The following MYT1L variants were observed in gnomAD, a reference collection of about 807,000 sequenced individuals.
The protein encoded by MYT1L is myelin transcription factor 1-like protein.
MYT1L carries 12 observed loss-of-function variants against 126.7 expected under a neutral mutation model. That is an observed-to-expected ratio of 0.09 (90% CI 0.06 to 0.15). The LOEUF is 0.15. Ranked by LOEUF, MYT1L falls within the 10% of genes least tolerant of loss-of-function variation. The pLI is 1.00. For missense variants in MYT1L, 979 were observed against 1,585.2 expected, an observed-to-expected ratio of 0.62 and a Z score of 6.49; for synonymous variants, 541 against 604.2, an observed-to-expected ratio of 0.90 and a Z score of 1.53.
intron 4 of MYT1L, among the ~76,000 whole-genome samples, chr2:2,022,714 AAAG>A (rs767368002): frequency 2.0e-5 from 3 of 152,236 alleles, no homozygotes. Context: ...AAAAAAAAAA[AAAG>A]AAAAGTACAC....
rs2059007140 is a variant in MYT1L, at chr2:1,962,141, T to C, written c.152+17024A>G. ...ATCATTCCTGTTAATTTTTAAGATA[T>C]AAGGTTATAATGTACTAATACCTTG... On this transcript the variant is annotated intron_variant, in intron 8 of 24. Transcript: ENST00000647738. 2.6e-5 allele frequency among the ~76,000 whole-genome samples: 4 copies of C among 152,366 alleles called. No individual in the cohort carries two copies. The South Asian group carries it at 8.3e-4, about 32-fold the overall frequency.
At chr2:2,018,752 T>A (rs2064707769) in intron 4 of MYT1L, among the ~76,000 whole-genome samples, 1 of 152,106 alleles carries the variant, frequency 6.6e-6, no homozygotes, top group Non-Finnish European at 1.5e-5. Flanking sequence ...CACGCAGAGA[T>A]CAACAACTCC....
At chr2:1,934,629 C>A (rs759596082) in intron 9 of MYT1L, among the ~76,000 whole-genome samples, 26 of 151,972 alleles carry the variant, frequency 1.7e-4, no homozygotes, top group Non-Finnish European at 3.2e-4. Flanking sequence ...TAGAGACAGA[C>A]TGAAACATTC....
At chr2:2,177,810 A>G (rs2090987304) in intron 2 of MYT1L, among the ~76,000 whole-genome samples, 1 of 152,138 alleles carries the variant, frequency 6.6e-6, no homozygotes, top group Non-Finnish European at 1.5e-5. Context: ...GTTCCTCCCC[A>G]ACCCCTGGGG....
intron 2 of MYT1L, among the ~76,000 whole-genome samples, chr2:2,279,380 G>A (rs2095413720): frequency 6.6e-6 from 1 of 151,600 alleles, no homozygotes; most frequent in African/African-American, 2.4e-5. Flanking sequence ...CATTCAACAT[G>A]GAAGAGGAAG....
At chr2:1,796,684 GCCTC>G (rs2147844880) in intron 23 of MYT1L, among the ~76,000 whole-genome samples, 1 of 141,834 alleles carries the variant, frequency 7.1e-6, no homozygotes, top group South Asian at 2.3e-4. Context: ...CAGCATCCCA[GCCTC>G]CCAGCCGGCT....
rs1012496205 is a variant in MYT1L at position 1,811,543 on chromosome 2, G to T, written c.3081-2376C>A. ...GTGGGCGCCCTGGCTTCTCCTGCTT[G>T]CCCTGACTGCATCCCCAGGAATCCG... On this transcript the variant is annotated intron_variant, in intron 21 of 24. Coordinates refer to ENST00000647738, the MANE Select transcript of MYT1L (RefSeq NM_001303052.2). The surrounding 1 kb of genome is among the most constrained non-coding windows in gnomAD (Gnocchi z 4.4). 1 of 152,198 alleles carries T rather than the reference G, an allele frequency of 6.6e-6. No homozygotes were observed. The highest frequency in any genetic ancestry group is 2.4e-5 in the African/African-American group (1 of 41,438). The allele number at this position is 152,198 out of a possible 1,614,324, so 9.4% of individuals were successfully genotyped here.
rs115383188 is a variant in MYT1L at position 1,958,010 on chromosome 2, C to T, written c.153-14676G>A. Among the ~76,000 whole-genome samples the T allele has an allele frequency of 3.9e-3, 588 of 152,272 alleles. 8 individuals carry two copies. The highest frequency in any genetic ancestry group is 0.014 in the African/African-American group (569 of 41,550). ...AAGGCAGAGGGAAGCTCACGCATGC[C>T]CCCAATGCTTCCCCTCCTTGCCCAG... is the stretch of plus-strand genomic sequence containing the variant. On this transcript the variant is annotated intron_variant, in intron 8 of 24. Coordinates refer to ENST00000647738, the MANE Select transcript of MYT1L (RefSeq NM_001303052.2).
chr2:1,967,475 G>A (rs887814621), intron 8 of MYT1L, among the ~76,000 whole-genome samples: 6 of 152,176 alleles, frequency 3.9e-5, no homozygotes, highest in Non-Finnish European at 5.9e-5. Context: ...GTTCAGCCCC[G>A]GAATCTCCTT....
At chr2:1,968,904 C>T (rs2059594897) in intron 8 of MYT1L, among the ~76,000 whole-genome samples, 2 of 152,152 alleles carry the variant, frequency 1.3e-5, no homozygotes, top group African/African-American at 4.8e-5. Context: ...CTCTGGGCCC[C>T]TCCTGCGTGT....
At chr2:1,835,017 C>T (rs13389540) in intron 21 of MYT1L, among the ~76,000 whole-genome samples, 6,285 of 73,558 alleles carry the variant, frequency 0.085, 316 homozygotes, top group East Asian at 0.22. Flanking sequence ...CCACATACCA[C>T]GGGGATGGAT....
At chr2:1,792,599 G>A (rs1330166072) in intron 23 of MYT1L, 135 bp from the exon 24 acceptor site, 9 of 957,124 alleles carry the variant, frequency 9.4e-6, no homozygotes, top group South Asian at 4.0e-5. Context: ...GCCGGGCGCC[G>A]TGGCTCACGC....
At chr2:2,042,864 C>T (rs1380512049) in intron 4 of MYT1L, among the ~76,000 whole-genome samples, 1 of 152,184 alleles carries the variant, frequency 6.6e-6, no homozygotes, top group East Asian at 1.9e-4. Context: ...CCTCCCAGGC[C>T]CATGTTCTCT....
At chr2:1,932,341 T>C (rs13389573) in intron 9 of MYT1L, among the ~76,000 whole-genome samples, 1 of 152,044 alleles carries the variant, frequency 6.6e-6, no homozygotes, top group Admixed American at 6.5e-5. Flanking sequence ...GAGAGGGCAA[T>C]GTAGCACAAC....
Position 1,888,243 on chromosome 2 carries a change from T to G in MYT1L, c.2521-634A>C, listed in dbSNP as rs568474082. Among the ~76,000 whole-genome samples the G allele has an allele frequency of 2.6e-3, 397 of 152,272 alleles. 1 individual carries two copies. The highest frequency in any genetic ancestry group is 9.0e-3 in the African/African-American group (374 of 41,562). Reference sequence around the variant, plus strand: ...TCCAGGATGAAAACACTTCTGTCATTTTAGGAGGGCTTACTTTCAATTAAA... The same window carrying G: ...TCCAGGATGAAAACACTTCTGTCATGTTAGGAGGGCTTACTTTCAATTAAA... On this transcript the variant is annotated intron_variant, in intron 16 of 24. Coordinates refer to ENST00000647738, the MANE Select transcript of MYT1L (RefSeq NM_001303052.2).
At chr2:1,915,140 A>C (rs2052638806) in intron 11 of MYT1L, among the ~76,000 whole-genome samples, 1 of 152,194 alleles carries the variant, frequency 6.6e-6, no homozygotes, top group Non-Finnish European at 1.5e-5. Flanking sequence ...GTCCTGACAC[A>C]GTGTGCTGCT....
At chr2:2,075,070 T>C (rs2075068063) in intron 3 of MYT1L, among the ~76,000 whole-genome samples, 1 of 151,182 alleles carries the variant, frequency 6.6e-6, no homozygotes, top group Non-Finnish European at 1.5e-5. Context: ...AACCTGGGAG[T>C]CAAGCCCAAG....
intron 3 of MYT1L, among the ~76,000 whole-genome samples, chr2:2,074,472 T>C (rs1365618627): frequency 6.6e-6 from 1 of 152,184 alleles, no homozygotes; most frequent in African/African-American, 2.4e-5. Flanking sequence ...CAATAAATTG[T>C]AGATAATTCC....
Position 1,937,420 on chromosome 2 carries a change from C to T in MYT1L, c.505+5562G>A, listed in dbSNP as rs531813679. Among the ~76,000 whole-genome samples the T allele has an allele frequency of 4.7e-4, 72 of 151,954 alleles. No individual in the cohort carries two copies. In the South Asian group the frequency reaches 0.014, roughly 30 times the overall value. ...CACAGCGAGAAAGCCCTAACGTCTG[C>T]GGCCATCAGATCGTACATCGAGAAG... On this transcript the variant is annotated intron_variant, in intron 9 of 24. Coordinates refer to ENST00000647738, the MANE Select transcript of MYT1L (RefSeq NM_001303052.2).
Sources: allele counts gnomAD v4.1 joint callset (sites outside exome capture counted in the v4.1 genomes callset), GRCh38; gene constraint gnomAD v4.1.1; non-coding constraint Gnocchi (gnomAD v3.1); transcripts MANE v1.5; gene names NCBI Gene and HGNC (gene_info 2026-07-23, HGNC 2026-07-21).